Variants in TMEM181 observed in about 807,000 individuals in gnomAD.
TMEM181 encodes the protein transmembrane protein 181.
TMEM181 carries 39 observed loss-of-function variants against 71.9 expected under a neutral mutation model. That is an observed-to-expected ratio of 0.54 (90% CI 0.42 to 0.71). The LOEUF is 0.71. TMEM181 is among the 30% of genes least tolerant of loss of function. The pLI is 0.00. For missense variants in TMEM181, 595 were observed against 583.0 expected (o/e 1.02, Z -0.21); for synonymous variants, 245 against 228.8 (o/e 1.07, Z -0.64).
At chr6:158,626,615 A>G in intron 13 of TMEM181, 1 of 456,526 alleles carries the variant, frequency 2.2e-6, no homozygotes, top group South Asian at 1.5e-5. Context: ...AACTCAGCTC[A>G]GACTTGGACT....
At chr6:158,626,475 T>TG (rs764436477) in intron 13 of TMEM181, 6 of 456,550 alleles carry the variant, frequency 1.3e-5, no homozygotes, top group Non-Finnish European at 2.2e-5. Context: ...TTTTCCTTTA[T>TG]GAGTGACAAG....
rs750533463 is a variant in TMEM181 at position 158,608,439 on chromosome 6, C to T, written c.780C>T (p.Cys260=). Residue 260 remains cysteine (C), a synonymous_variant, in exon 9 of 17, where the codon TGC becomes TGT. Coordinates refer to ENST00000684151, the MANE Select transcript of TMEM181 (RefSeq NM_001376852.1). The stretch of plus-strand genomic sequence containing the variant: ...GCGCCCTGCTGCTCTTCTGGCTGTG[C>T]GTGTACCACGGGATTCGTGTCCAGG... The part of the protein sequence containing the change: ...FLCALLLFWL[C]VYHGIRVQGE... 28 of 1,614,090 alleles carry T rather than the reference C, an allele frequency of 1.7e-5. 1 individual carries two copies. The Admixed American group carries it at 4.2e-4, about 24-fold the overall frequency.
chr6:158,624,311 C>A (rs1229892339), intron 11 of TMEM181, among the ~76,000 whole-genome samples: 1 of 152,202 alleles, frequency 6.6e-6, no homozygotes, highest in Non-Finnish European at 1.5e-5. Context: ...ACGTAAGGTC[C>A]CAGCTAAAGT....
intron 1 of TMEM181, among the ~76,000 whole-genome samples, chr6:158,569,856 C>G (rs765564386): frequency 6.6e-6 from 1 of 152,184 alleles, no homozygotes; most frequent in Non-Finnish European, 1.5e-5. Context: ...CTGCCTCGGC[C>G]TCCCATGCCC....
intron 6 of TMEM181, among the ~76,000 whole-genome samples, chr6:158,590,692 G>T (rs13201715): frequency 0.046 from 6,907 of 151,794 alleles, 229 homozygotes; most frequent in Non-Finnish European, 0.071. Context: ...TTGATCTCCT[G>T]ACCTGGTGAT....
intron 1 of TMEM181, among the ~76,000 whole-genome samples, chr6:158,545,169 C>T (rs950746535): frequency 5.9e-5 from 9 of 152,232 alleles, no homozygotes; most frequent in Admixed American, 1.3e-4. Flanking sequence ...TCTGCACCAG[C>T]GTTCCCGCTA....
At chr6:158,581,035 A>G in intron 3 of TMEM181, 40 bp downstream of exon 3, 1 of 1,570,638 alleles carries the variant, frequency 6.4e-7, no homozygotes, top group Non-Finnish European at 8.7e-7. Flanking sequence ...GGTGGGGTGC[A>G]TTATAAACCT....
At chr6:158,599,640 G>A (rs1244943681) in intron 6 of TMEM181, among the ~76,000 whole-genome samples, 2 of 152,248 alleles carry the variant, frequency 1.3e-5, no homozygotes, top group African/African-American at 2.4e-5. Flanking sequence ...CAGTGCCCAC[G>A]GGACGGAACG....
intron 6 of TMEM181, among the ~76,000 whole-genome samples, chr6:158,593,188 A>G (rs2128307412): frequency 6.6e-6 from 1 of 152,330 alleles, no homozygotes; most frequent in Admixed American, 6.5e-5. Flanking sequence ...AGCGATCTGT[A>G]TTTCAGCAGT....
At chr6:158,570,452 A>G (rs1265627562) in intron 1 of TMEM181, among the ~76,000 whole-genome samples, 1 of 151,178 alleles carries the variant, frequency 6.6e-6, no homozygotes, top group Admixed American at 6.6e-5. Flanking sequence ...CGTGTCAGCC[A>G]GGATGGTCTC....
In TMEM181 at chr6:158,541,277, C is replaced by T. The variant is rs1013563358; in HGVS notation, c.131+4412C>T. ...CTAAAAAAAACAAAAATTAGCAGGG[C>T]GTGATGGCGGGCGCCTGTAATCCCA... On this transcript the variant is annotated intron_variant, in intron 1 of 16. Coordinates refer to the TMEM181 transcript ENST00000367090. 7.2e-5 allele frequency among the ~76,000 whole-genome samples: 11 copies of T among 152,092 alleles called. No individual in the cohort carries two copies. In the South Asian group the frequency reaches 8.3e-4, roughly 11 times the overall value.
intron 10 of TMEM181, among the ~76,000 whole-genome samples, chr6:158,614,489 ATT>A (rs564344108): frequency 1.6e-4 from 25 of 151,982 alleles, no homozygotes; most frequent in African/African-American, 4.8e-4. Flanking sequence ...TTTAAAAAAA[ATT>A]TTTTTTTAAT....
chr6:158,629,884 G>T, intron 15 of TMEM181, 65 bp downstream of exon 15: 1 of 1,345,726 alleles, frequency 7.4e-7, no homozygotes, highest in South Asian at 1.2e-5. Context: ...GTTCATCCAC[G>T]ACCCACTTCC....
chr6:158,538,529 G>A (rs775994276), intron 1 of TMEM181, among the ~76,000 whole-genome samples: 2 of 151,416 alleles, frequency 1.3e-5, no homozygotes, highest in African/African-American at 2.4e-5. Context: ...TGGAATGATC[G>A]CAGTGCAAAT....
chr6:158,628,638 C>A (rs1482556299), intron 14 of TMEM181, 148 bp downstream of exon 14: 1 of 669,848 alleles, frequency 1.5e-6, no homozygotes, highest in African/African-American at 1.8e-5. Flanking sequence ...AGAGGTGTCT[C>A]AGTTGGCCCC....
chr6:158,631,349 T>C lies in TMEM181; in HGVS notation c.1309T>C (p.Phe437Leu). Residue 437 changes from phenylalanine (F) to leucine (L), a missense_variant, in exon 16 of 17, where the codon TTC becomes CTC. Phe to Leu is a conservative substitution (Grantham distance 22). Coordinates refer to ENST00000684151, the MANE Select transcript of TMEM181 (RefSeq NM_001376852.1). Reference protein sequence around the residue: ...YESQLKDNPAFSMLNDSDDDV... With the variant: ...YESQLKDNPALSMLNDSDDDV... ...GTCCCAGCTGAAAGACAATCCTGCC[T>C]TCTCCATGCTGAATGACTCGGATGA... is the stretch of plus-strand genomic sequence containing the variant. 6.2e-7 allele frequency: 1 copy of C among 1,614,228 alleles called. No homozygotes were observed. Among genetic ancestry groups the C allele is most frequent in the South Asian group, 1.1e-5 (1 of 91,088 alleles).
chr6:158,612,555 A>C (rs994582232), intron 10 of TMEM181, among the ~76,000 whole-genome samples: 4 of 152,208 alleles, frequency 2.6e-5, no homozygotes, highest in African/African-American at 9.6e-5. Context: ...GAATGGGATG[A>C]CCCATGGTAT....
In TMEM181 at chr6:158,625,023, C is replaced by T. The variant is rs890411855; in HGVS notation, c.955-81C>T. ...TGAAGTCCCTTCTAAAAACCTGTGG[C>T]TTTCCTGCCTGTGGTGGTGCTGGGA... On this transcript the variant is annotated intron_variant, in intron 11 of 16. Coordinates refer to ENST00000684151, the MANE Select transcript of TMEM181 (RefSeq NM_001376852.1). The T allele has an allele frequency of 2.1e-5, 24 of 1,117,074 alleles. No individual in the cohort carries two copies. In the African/African-American group the frequency reaches 3.7e-4, roughly 17 times the overall value. 69.2% of individuals were successfully genotyped at this position (1,117,074 alleles called of 1,614,324 possible).
intron 2 of TMEM181, among the ~76,000 whole-genome samples, chr6:158,577,148 C>CT (rs988733562): frequency 6.6e-5 from 10 of 151,612 alleles, no homozygotes; most frequent in South Asian, 2.1e-4. Flanking sequence ...GAATCTGTCT[C>CT]TGAGTAAGAC....
Sources: gnomAD v4.1 joint callset for allele counts (sites outside exome capture counted in the v4.1 genomes callset) on GRCh38, gnomAD v4.1.1 for gene constraint, MANE v1.5 for transcripts, NCBI Gene and HGNC (gene_info 2026-07-23, HGNC 2026-07-21) for gene names.